Variants in DENND4C observed in about 807,000 individuals in gnomAD.
DENND4C encodes the protein DENN domain containing 4C.
DENND4C carries 108 observed loss-of-function variants against 203.0 expected under a neutral mutation model. The observed-to-expected ratio is 0.53, with a 90% CI of 0.46 to 0.62. The LOEUF (loss-of-function observed/expected upper bound fraction) is 0.62, where lower values mean the gene tolerates loss of function less well. Among genes scored for constraint, DENND4C ranks in the 20% least tolerant of loss-of-function variants. The probability of loss-of-function intolerance (pLI) is 0.00; values close to 1 mark genes in which losing one functional copy is unlikely to be tolerated. For synonymous variants in DENND4C, 871 were observed against 792.4 expected (o/e 1.10, Z -1.67); for missense variants, 2,481 against 2,301.2 (o/e 1.08, Z -1.60).
intron 1 of DENND4C, among the ~76,000 whole-genome samples, chr9:19,252,875 A>G (rs1826998179): frequency 6.6e-6 from 1 of 152,138 alleles, no homozygotes; most frequent in South Asian, 2.1e-4. Flanking sequence ...ATCTAGGACC[A>G]CAGGCACGAG....
intron 1 of DENND4C, among the ~76,000 whole-genome samples, chr9:19,255,918 G>A (rs1322981661): frequency 6.6e-6 from 1 of 151,766 alleles, no homozygotes; most frequent in African/African-American, 2.4e-5. Context: ...TTCTGCTAAA[G>A]TGCACATGGA....
At chr9:19,366,008 A>C (rs191643866) in intron 30 of DENND4C, among the ~76,000 whole-genome samples, 1 of 152,334 alleles carries the variant, frequency 6.6e-6, no homozygotes, top group African/African-American at 2.4e-5. Context: ...ATTGATTTAC[A>C]GATTGAATGC....
Position 19,286,992 on chromosome 9 carries a change from A to G in DENND4C, c.529A>G (p.Lys177Glu), listed in dbSNP as rs1835325705. Residue 177 changes from lysine (K) to glutamate (E), a missense_variant, in exon 3 of 33, where the codon AAA (lysine) becomes GAA (glutamate). This residue lies in a region of DENND4C where 2,289 missense variants were observed against 2,113.3 expected (regional missense o/e 1.08). Transcript: ENST00000434457. Reference sequence around the variant, plus strand: ...AGAAACTCCTCCTCATACCTTCTGCAAAGTTGACAAAAACTTAAATTGTGG... The same window carrying G: ...AGAAACTCCTCCTCATACCTTCTGCGAAGTTGACAAAAACTTAAATTGTGG... ...KGETPPHTFC[K>E]VDKNLNCGMW... 1.6e-6 allele frequency: 2 copies of G among 1,232,136 alleles called. No individual in the cohort carries two copies. The highest frequency in any genetic ancestry group is 1.0e-6 in the Non-Finnish European group (1 of 987,948). The allele number at this position is 1,232,136 out of a possible 1,614,324, so 76.3% of individuals were successfully genotyped here. A position where few individuals can be genotyped will look rare whatever the true frequency, so the allele number is the denominator to read the frequency against.
At chr9:19,283,448 A>G (rs946838758) in intron 2 of DENND4C, among the ~76,000 whole-genome samples, 6 of 152,102 alleles carry the variant, frequency 3.9e-5, no homozygotes, top group Non-Finnish European at 2.9e-5. Flanking sequence ...AGTATTGTAA[A>G]TACTAGGTGA....
intron 6 of DENND4C, 53 bp downstream of exon 6, chr9:19,296,299 A>G (rs950807719): frequency 1.6e-5 from 19 of 1,212,396 alleles, no homozygotes; most frequent in Middle Eastern, 2.4e-4. Flanking sequence ...ATATAAATAT[A>G]TACATTTGTT....
intron 1 of DENND4C, among the ~76,000 whole-genome samples, chr9:19,265,849 A>G (rs904054132): frequency 6.6e-6 from 1 of 152,168 alleles, no homozygotes; most frequent in Non-Finnish European, 1.5e-5. Context: ...AATCCAGTCT[A>G]TCATTGTTGG....
chr9:19,281,734 A>C (rs1311751557), intron 2 of DENND4C, among the ~76,000 whole-genome samples: 1 of 152,240 alleles, frequency 6.6e-6, no homozygotes, highest in Non-Finnish European at 1.5e-5. Context: ...TCATTGTGTG[A>C]ACATCATAGA....
At chr9:19,335,181 A>G in intron 18 of DENND4C, 76 bp downstream of exon 18, 3 of 1,092,914 alleles carry the variant, frequency 2.7e-6, no homozygotes, top group Non-Finnish European at 3.6e-6. Context: ...GTTATTCATG[A>G]AACTCCTATT....
intron 1 of DENND4C, among the ~76,000 whole-genome samples, chr9:19,241,848 T>C (rs1209909440): frequency 6.7e-6 from 1 of 149,228 alleles, no homozygotes; most frequent in South Asian, 2.2e-4. Context: ...TAAGACCTCA[T>C]CTTAAAAAAA....
chr9:19,295,669 CAAA>C (rs1173472125), intron 5 of DENND4C, among the ~76,000 whole-genome samples: 10 of 72,630 alleles, frequency 1.4e-4, no homozygotes, highest in Non-Finnish European at 1.8e-4. Context: ...GACTCCATCT[CAAA>C]AAAAAAAAAA....
chr9:19,246,715 A>T (rs747307872), intron 1 of DENND4C, among the ~76,000 whole-genome samples: 2 of 150,874 alleles, frequency 1.3e-5, no homozygotes, highest in Non-Finnish European at 3.0e-5. Flanking sequence ...GTTATCTTCG[A>T]TATTTTTGTT....
Position 19,260,037 on chromosome 9 carries a change from A to G in DENND4C, c.-17-16121A>G, listed in dbSNP as rs560927803. Among the ~76,000 whole-genome samples the G allele has an allele frequency of 4.6e-5, 7 of 152,316 alleles. No homozygotes were observed. The East Asian group carries it at 7.7e-4, about 17-fold the overall frequency. On this transcript the variant is annotated intron_variant, in intron 1 of 32. Transcript: ENST00000434457. Reference sequence around the variant, plus strand: ...GTTTCTAATTTTTTGAGGAACCTCTATACTATTCTCCATAGTTACCATACT... The same window carrying G: ...GTTTCTAATTTTTTGAGGAACCTCTGTACTATTCTCCATAGTTACCATACT...
At chr9:19,324,604 A>C in intron 13 of DENND4C, 97 bp downstream of exon 13, 2 of 1,293,928 alleles carry the variant, frequency 1.5e-6, no homozygotes, top group Non-Finnish European at 2.2e-6. Context: ...TATAAGGAAA[A>C]CAGAGTAGGG....
intron 22 of DENND4C, among the ~76,000 whole-genome samples, chr9:19,345,453 C>CTAA: frequency 6.6e-6 from 1 of 152,308 alleles, no homozygotes; most frequent in African/African-American, 2.4e-5. Flanking sequence ...TTTGCCAGTG[C>CTAA]TAAGCATTCC....
In DENND4C at chr9:19,372,426, C is replaced by A. The variant is rs1017616169; in HGVS notation, c.*253C>A. ...GCTTTTCTGCCTCTGTGGAAAACTA[C>A]TTTGGGATTCTTCAGTATTTGTAGT... is the stretch of plus-strand genomic sequence containing the variant. On this transcript the variant is annotated 3_prime_UTR_variant, in exon 33 of 33. Coordinates refer to ENST00000434457, the MANE Select transcript of DENND4C (RefSeq NM_001330640.2). The A allele has an allele frequency of 8.5e-6, 3 of 352,376 alleles. No homozygotes were observed. The highest frequency in any genetic ancestry group is 1.5e-5 in the Non-Finnish European group (3 of 197,574). The allele number at this position is 352,376 out of a possible 1,614,324, so 21.8% of individuals were successfully genotyped here.
chr9:19,270,909 A>G (rs894568929), intron 1 of DENND4C, among the ~76,000 whole-genome samples: 8 of 152,240 alleles, frequency 5.3e-5, no homozygotes, highest in Non-Finnish European at 8.8e-5. Flanking sequence ...CAATATGTAA[A>G]AATCAATTGT....
rs1479782393 is a variant in DENND4C, at chr9:19,353,053, G to C, written c.4781+388G>C. Reference sequence around the variant, plus strand: ...AGGAAGGCTGACATAGGAGGATCGCGTGAGCCCAGGAGTTTGAAGCTGCAG... The same window carrying C: ...AGGAAGGCTGACATAGGAGGATCGCCTGAGCCCAGGAGTTTGAAGCTGCAG... On this transcript the variant is annotated intron_variant, in intron 26 of 32. Transcript: ENST00000434457. 2.6e-5 allele frequency among the ~76,000 whole-genome samples: 4 copies of C among 152,084 alleles called. No individual in the cohort carries two copies. In the East Asian group the frequency reaches 5.8e-4, roughly 22 times the overall value.
chr9:19,336,188 C>A, intron 18 of DENND4C, 82 bp from the exon 19 acceptor site: 8 of 1,073,690 alleles, frequency 7.5e-6, no homozygotes, highest in South Asian at 3.6e-5. Context: ...TATATATAAA[C>A]ATACACACAC....
intron 1 of DENND4C, among the ~76,000 whole-genome samples, chr9:19,256,736 T>C (rs1329704663): frequency 6.6e-6 from 1 of 152,152 alleles, no homozygotes; most frequent in African/African-American, 2.4e-5. Flanking sequence ...AAAAATACTT[T>C]AAAATTATCT....
Sources: allele counts gnomAD v4.1 joint callset (sites outside exome capture counted in the v4.1 genomes callset), GRCh38; gene constraint gnomAD v4.1.1; regional missense constraint gnomAD v4.1.1; transcripts MANE v1.5; gene names NCBI Gene and HGNC (gene_info 2026-07-23, HGNC 2026-07-21).